PALM2AKAP2: variants seen among roughly 807,000 people sequenced by gnomAD.
PALM2AKAP2 encodes PALM2 and AKAP2 fusion.
In PALM2AKAP2, 37 loss-of-function variants were observed where a neutral mutation model predicts 71.5. That is an observed-to-expected ratio of 0.52 (90% CI 0.40 to 0.68). The LOEUF (loss-of-function observed/expected upper bound fraction) is 0.68. Among genes scored for constraint, PALM2AKAP2 ranks in the 30% least tolerant of loss-of-function variants. The probability of loss-of-function intolerance (pLI) is 0.00; values close to 1 mark genes in which losing one functional copy is unlikely to be tolerated. For missense variants in PALM2AKAP2, 1,224 were observed against 1,191.8 expected, an observed-to-expected ratio of 1.03 and a Z score of -0.40; for synonymous variants, 468 against 478.8, an observed-to-expected ratio of 0.98 and a Z score of 0.29.
chr9:109,750,570 A>AAG (rs746154004), intron 1 of PALM2AKAP2, among the ~76,000 whole-genome samples: 2,102 of 97,782 alleles, frequency 0.021, 57 homozygotes, highest in African/African-American at 0.072. Context: ...CTGCCCTAGG[A>AAG]CGTGTGTGTG....
At chr9:109,853,080 T>G (rs1018168376) in intron 1 of PALM2AKAP2, among the ~76,000 whole-genome samples, 2 of 152,284 alleles carry the variant, frequency 1.3e-5, no homozygotes, top group East Asian at 3.9e-4. Context: ...GTCTTAACAC[T>G]TCATAACTGG....
chr9:109,975,981 G>A (rs1832166545), intron 6 of PALM2AKAP2, among the ~76,000 whole-genome samples: 1 of 152,194 alleles, frequency 6.6e-6, no homozygotes, highest in Non-Finnish European at 1.5e-5. Context: ...AATCAAATTA[G>A]CAAACTATGG....
At chr9:109,832,140 A>C (rs1329010484) in intron 1 of PALM2AKAP2, among the ~76,000 whole-genome samples, 1 of 152,234 alleles carries the variant, frequency 6.6e-6, no homozygotes, top group African/African-American at 2.4e-5. Context: ...ATAAAGAATC[A>C]AGCTTCTGAT....
At chr9:109,686,332 G>A (rs1334484192) in intron 1 of PALM2AKAP2, among the ~76,000 whole-genome samples, 1 of 152,162 alleles carries the variant, frequency 6.6e-6, no homozygotes, top group East Asian at 1.9e-4. Context: ...GACAGTTATA[G>A]CCTTATAAAA....
At chr9:110,096,558 C>A (rs1440622527) in intron 1 of PALM2AKAP2, among the ~76,000 whole-genome samples, 1 of 152,010 alleles carries the variant, frequency 6.6e-6, no homozygotes, top group Non-Finnish European at 1.5e-5. Context: ...TGAGCCATCA[C>A]GCCTGGCCTT....
chr9:109,864,978 A>G (rs1313651382), intron 1 of PALM2AKAP2, among the ~76,000 whole-genome samples: 1 of 151,796 alleles, frequency 6.6e-6, no homozygotes. Flanking sequence ...CCCTACAACC[A>G]GTTAGATTTT....
intron 1 of PALM2AKAP2, among the ~76,000 whole-genome samples, chr9:109,660,894 G>T (rs1432765344): frequency 6.6e-6 from 1 of 152,136 alleles, no homozygotes; most frequent in Non-Finnish European, 1.5e-5. Context: ...TTGTGGTTTT[G>T]ATTTGCATTT....
intron 3 of PALM2AKAP2, among the ~76,000 whole-genome samples, chr9:109,899,531 TG>T (rs1438312428): frequency 6.6e-6 from 1 of 152,078 alleles, no homozygotes; most frequent in African/African-American, 2.4e-5. Context: ...TCATATTTGA[TG>T]ATGCTACTCT....
intron 1 of PALM2AKAP2, among the ~76,000 whole-genome samples, chr9:109,757,091 G>A (rs1010061471): frequency 5.3e-5 from 8 of 151,856 alleles, no homozygotes; most frequent in African/African-American, 1.7e-4. Flanking sequence ...GCGCCTATTC[G>A]CCAACCACTC....
At chr9:109,655,889 A>T (rs1351801080) in intron 1 of PALM2AKAP2, among the ~76,000 whole-genome samples, 1 of 152,152 alleles carries the variant, frequency 6.6e-6, no homozygotes, top group Non-Finnish European at 1.5e-5. Flanking sequence ...TAGTGCTGCC[A>T]TGAACACTGG....
chr9:110,033,979 A>C (rs1224051224), intron 7 of PALM2AKAP2, among the ~76,000 whole-genome samples: 2 of 152,202 alleles, frequency 1.3e-5, no homozygotes, highest in African/African-American at 2.4e-5. Context: ...TAGGAATCTG[A>C]GGCACAGGGA....
intron 6 of PALM2AKAP2, among the ~76,000 whole-genome samples, chr9:109,979,773 T>TGAATGATAATTAAGA (rs1297490258): frequency 8.8e-4 from 134 of 152,308 alleles, no homozygotes; most frequent in Non-Finnish European, 1.3e-4. Flanking sequence ...TTGGATTTGG[T>TGAATGATAATTAAGA]GAATGATAAT....
chr9:110,005,240 T>A (rs1385115950), intron 6 of PALM2AKAP2, among the ~76,000 whole-genome samples: 2 of 152,230 alleles, frequency 1.3e-5, no homozygotes, highest in African/African-American at 4.8e-5. Flanking sequence ...GTTTTCCTTC[T>A]AACAGTCAGG....
chr9:110,124,791 C>T (rs1399847106), intron 1 of PALM2AKAP2, among the ~76,000 whole-genome samples: 1 of 152,190 alleles, frequency 6.6e-6, no homozygotes, highest in East Asian at 1.9e-4. Context: ...CATCTGTCCA[C>T]TTTGGCATGG....
upstream of PALM2AKAP2, among the ~76,000 whole-genome samples, chr9:109,777,110 T>G (rs1031763884): frequency 1.3e-5 from 2 of 152,248 alleles, no homozygotes; most frequent in Non-Finnish European, 2.9e-5. Flanking sequence ...TCTATTTTTC[T>G]GAAGCCCCAA....
intron 1 of PALM2AKAP2, among the ~76,000 whole-genome samples, chr9:109,644,177 C>T (rs1420991992): frequency 6.6e-6 from 1 of 152,192 alleles, no homozygotes; most frequent in Non-Finnish European, 1.5e-5. Context: ...GACATCCAAT[C>T]TACATCACTT....
chr9:109,685,092 T>C (rs564987903), intron 1 of PALM2AKAP2, among the ~76,000 whole-genome samples: 9 of 152,280 alleles, frequency 5.9e-5, no homozygotes, highest in South Asian at 2.1e-4. Context: ...TTCTAGAAGA[T>C]ACAAAATTAT....
chr9:109,716,887 T>G (rs772561141), intron 1 of PALM2AKAP2, among the ~76,000 whole-genome samples: 31 of 152,006 alleles, frequency 2.0e-4, no homozygotes, highest in Non-Finnish European at 4.1e-4. Flanking sequence ...TATGAGTAAG[T>G]GAAGAAAAAT....
chr9:110,029,462 T>C (rs916043928), intron 7 of PALM2AKAP2, among the ~76,000 whole-genome samples: 3 of 152,232 alleles, frequency 2.0e-5, no homozygotes, highest in Admixed American at 1.3e-4. Context: ...GCAAAAGTTC[T>C]GACACATTCA....
Sources: gnomAD v4.1 joint callset for allele counts (sites outside exome capture counted in the v4.1 genomes callset) on GRCh38, gnomAD v4.1.1 for gene constraint, MANE v1.5 for transcripts, NCBI Gene and HGNC (gene_info 2026-07-23, HGNC 2026-07-21) for gene names.